GRIA1: variants seen among roughly 807,000 people sequenced by gnomAD.
The protein encoded by GRIA1 is glutamate ionotropic receptor AMPA type subunit 1, also known as glutamate receptor 1.
In GRIA1, 31 loss-of-function variants were observed where a neutral mutation model predicts 99.2. That is an observed-to-expected ratio of 0.31 (90% CI 0.23 to 0.42). GRIA1 has a LOEUF of 0.42. GRIA1 is among the 10% of genes least tolerant of loss of function. The probability of loss-of-function intolerance (pLI) is 1.00; values close to 1 mark genes in which losing one functional copy is unlikely to be tolerated. For missense variants in GRIA1, 782 were observed against 1,157.5 expected, an observed-to-expected ratio of 0.68 and a Z score of 4.71; for synonymous variants, 438 against 432.4, an observed-to-expected ratio of 1.01 and a Z score of -0.16.
rs571528681 is a variant in GRIA1 at position 153,723,609 on chromosome 5, A to G, written c.1823+17542A>G. 3.3e-5 allele frequency among the ~76,000 whole-genome samples: 5 copies of G among 152,296 alleles called. No individual in the cohort carries two copies. In the East Asian group the frequency reaches 9.7e-4, roughly 29 times the overall value. The stretch of plus-strand genomic sequence containing the variant: ...AGATTATATCCCCCACCTGGCTCGG[A>G]GGGTCCTACCCCCACGGAGTCTCGC... On this transcript the variant is annotated intron_variant, in intron 11 of 15. Coordinates refer to ENST00000285900, the MANE Select transcript of GRIA1 (RefSeq NM_000827.4).
At chr5:153,745,605 A>G (rs1581585193) in intron 11 of GRIA1, among the ~76,000 whole-genome samples, 1 of 151,304 alleles carries the variant, frequency 6.6e-6, no homozygotes, top group Admixed American at 6.6e-5. Context: ...AAAAAAAAAA[A>G]AAAAAAAGAA....
At chr5:153,560,948 A>C (rs546438742) in intron 2 of GRIA1, among the ~76,000 whole-genome samples, 21 of 152,322 alleles carry the variant, frequency 1.4e-4, no homozygotes, top group African/African-American at 4.3e-4. Context: ...TTTCTTAGCA[A>C]AGTGAGAAGG....
At chr5:153,761,925 A>G (rs1410344986) in intron 11 of GRIA1, among the ~76,000 whole-genome samples, 1 of 152,230 alleles carries the variant, frequency 6.6e-6, no homozygotes, top group Non-Finnish European at 1.5e-5. Context: ...ACATAAAGAC[A>G]AATACCACAT....
intron 11 of GRIA1, among the ~76,000 whole-genome samples, chr5:153,747,061 G>GTGT (rs1299012981): frequency 2.0e-5 from 3 of 152,180 alleles, no homozygotes; most frequent in African/African-American, 7.2e-5. Flanking sequence ...AAAAGGGGAT[G>GTGT]TGTTAGTTTG....
intron 13 of GRIA1, among the ~76,000 whole-genome samples, chr5:153,776,198 T>C (rs2149628307): frequency 6.6e-6 from 1 of 152,198 alleles, no homozygotes; most frequent in African/African-American, 2.4e-5. Context: ...TAGGAGATAA[T>C]GAATGTGGTC....
chr5:153,713,321 G>A (rs1436424981), intron 11 of GRIA1, among the ~76,000 whole-genome samples: 1 of 152,200 alleles, frequency 6.6e-6, no homozygotes, highest in African/African-American at 2.4e-5. Context: ...CTCTCCATTA[G>A]CAAGCAACAC....
chr5:153,799,683 A>G (rs900311289), intron 14 of GRIA1, among the ~76,000 whole-genome samples: 2 of 152,144 alleles, frequency 1.3e-5, no homozygotes, highest in Admixed American at 1.3e-4. Flanking sequence ...ACAGTGATCA[A>G]TGACATTGTG....
chr5:153,587,204 A>G (rs1763566280), intron 2 of GRIA1, among the ~76,000 whole-genome samples: 1 of 152,056 alleles, frequency 6.6e-6, no homozygotes, highest in Non-Finnish European at 1.5e-5. Flanking sequence ...CTGTTCTTCC[A>G]ATAGGGACTG....
chr5:153,490,193 G>C (rs1329161764), upstream of GRIA1: 1 of 188,502 alleles, frequency 5.3e-6, no homozygotes, highest in Non-Finnish European at 1.1e-5. Context: ...CGCAGCCCAT[G>C]CACTCCTAGA....
chr5:153,564,223 G>C (rs1761415044), intron 2 of GRIA1, among the ~76,000 whole-genome samples: 1 of 152,200 alleles, frequency 6.6e-6, no homozygotes, highest in Admixed American at 6.5e-5. Context: ...CTGTTTGCCA[G>C]GGTAAATATT....
chr5:153,498,980 A>G (rs1161176747), intron 2 of GRIA1, among the ~76,000 whole-genome samples: 1 of 152,168 alleles, frequency 6.6e-6, no homozygotes, highest in East Asian at 1.9e-4. Flanking sequence ...TTCTTCTAAT[A>G]ATATCTATTA....
At chr5:153,666,555 T>G (rs777542132) in intron 5 of GRIA1, among the ~76,000 whole-genome samples, 2 of 152,182 alleles carry the variant, frequency 1.3e-5, no homozygotes, top group Non-Finnish European at 2.9e-5. Context: ...GGAGGCTTGA[T>G]GTACAGTGGT....
chr5:153,785,142 A>G (rs956828193), intron 13 of GRIA1, among the ~76,000 whole-genome samples: 1 of 152,158 alleles, frequency 6.6e-6, no homozygotes, highest in Non-Finnish European at 1.5e-5. Flanking sequence ...AAGGAGGAAA[A>G]GGTGAACTGG....
At chr5:153,764,946 G>A (rs1283667455) in intron 12 of GRIA1, among the ~76,000 whole-genome samples, 8 of 152,162 alleles carry the variant, frequency 5.3e-5, no homozygotes, top group African/African-American at 1.9e-4. Flanking sequence ...AAACCTTATA[G>A]TCTAGTTAGT....
intron 2 of GRIA1, among the ~76,000 whole-genome samples, chr5:153,534,970 G>A (rs1387505134): frequency 6.6e-6 from 1 of 152,116 alleles, no homozygotes; most frequent in Non-Finnish European, 1.5e-5. Flanking sequence ...TGCCCAGGCT[G>A]GAGTGCAGTG....
intron 2 of GRIA1, among the ~76,000 whole-genome samples, chr5:153,563,103 G>C (rs1381610517): frequency 6.6e-6 from 1 of 151,802 alleles, no homozygotes; most frequent in Non-Finnish European, 1.5e-5. Flanking sequence ...TTGAACCTGG[G>C]AGGCAGAGGT....
Position 153,690,850 on chromosome 5 carries a change from A to G in GRIA1, c.1134+4521A>G, listed in dbSNP as rs547946480. ...GGGGGATCTGCCTTTCAGAAAATCA[A>G]TTCCTCACATCTGTGGCTTCAGGCT... On this transcript the variant is annotated intron_variant, in intron 8 of 15. Coordinates refer to ENST00000285900, the MANE Select transcript of GRIA1 (RefSeq NM_000827.4). Among the ~76,000 whole-genome samples the G allele has an allele frequency of 1.4e-4, 22 of 152,338 alleles. No homozygotes were observed. In the South Asian group the frequency reaches 3.5e-3, roughly 24 times the overall value.
At chr5:153,645,700 A>C (rs953059787) in intron 2 of GRIA1, among the ~76,000 whole-genome samples, 2 of 152,174 alleles carry the variant, frequency 1.3e-5, no homozygotes, top group South Asian at 4.1e-4. Flanking sequence ...CAATGGTCGC[A>C]TACTGTAATT....
chr5:153,609,074 A>T (rs1332574891), intron 2 of GRIA1, among the ~76,000 whole-genome samples: 1 of 152,118 alleles, frequency 6.6e-6, no homozygotes, highest in Non-Finnish European at 1.5e-5. Context: ...CCCCCACTGC[A>T]ATCACCATAT....
Sources: allele counts gnomAD v4.1 joint callset (sites outside exome capture counted in the v4.1 genomes callset), GRCh38; gene constraint gnomAD v4.1.1; transcripts MANE v1.5; gene names NCBI Gene and HGNC (gene_info 2026-07-23, HGNC 2026-07-21).